PDZD8: variants seen among roughly 807,000 people sequenced by gnomAD.
PDZD8 encodes the protein PDZ domain-containing protein 8.
Under a neutral mutation model 85.8 loss-of-function variants are expected in PDZD8, and 14 were observed. The ratio of observed to expected loss-of-function variants is 0.16; its 90% CI spans 0.11 to 0.26. The LOEUF (loss-of-function observed/expected upper bound fraction) is 0.26, where lower values mean the gene tolerates loss of function less well. Among genes scored for constraint, PDZD8 ranks in the 10% least tolerant of loss-of-function variants. The pLI is 1.00. For synonymous variants in PDZD8, 592 were observed against 568.6 expected (o/e 1.04, Z -0.59); for missense variants, 1,197 against 1,424.3 (o/e 0.84, Z 2.57).
rs576959386 is a variant in PDZD8, at chr10:117,337,071, A to C, written c.995+3909T>G. ...GCCACTGCACTCCAGCCTGGGCCACAGAGTGAGACTCCATCTCAAAAAAAA... is the reference window on the plus strand; with the variant it reads ...GCCACTGCACTCCAGCCTGGGCCACCGAGTGAGACTCCATCTCAAAAAAAA... On this transcript the variant is annotated intron_variant, in intron 2 of 4. Coordinates refer to ENST00000334464, the MANE Select transcript of PDZD8 (RefSeq NM_173791.5). 3.3e-5 allele frequency among the ~76,000 whole-genome samples: 5 copies of C among 151,930 alleles called. No homozygotes were observed. The South Asian group carries it at 1.0e-3, about 32-fold the overall frequency.
intron 2 of PDZD8, among the ~76,000 whole-genome samples, chr10:117,337,629 T>C (rs1308936052): frequency 6.6e-6 from 1 of 152,124 alleles, no homozygotes; most frequent in Non-Finnish European, 1.5e-5. Context: ...CAAACAAATA[T>C]GCAAGAAAAA....
chr10:117,357,191 G>A (rs1314653577), intron 1 of PDZD8, among the ~76,000 whole-genome samples: 1 of 152,122 alleles, frequency 6.6e-6, no homozygotes, highest in Non-Finnish European at 1.5e-5. Flanking sequence ...CCAGGAGTTC[G>A]AGACCAGCCT....
At chr10:117,300,093 C>G (rs1411615777) in intron 3 of PDZD8, among the ~76,000 whole-genome samples, 1 of 152,042 alleles carries the variant, frequency 6.6e-6, no homozygotes, top group Admixed American at 6.6e-5. Context: ...CACCTTTACC[C>G]TCTCCTCCTC....
intron 3 of PDZD8, among the ~76,000 whole-genome samples, chr10:117,310,240 G>A (rs975101490): frequency 6.6e-6 from 1 of 152,096 alleles, no homozygotes; most frequent in Non-Finnish European, 1.5e-5. Context: ...TGGTTCAAAT[G>A]TCACCGCCTT....
At chr10:117,334,695 C>T (rs1589574048) in intron 2 of PDZD8, among the ~76,000 whole-genome samples, 1 of 151,734 alleles carries the variant, frequency 6.6e-6, no homozygotes, top group Non-Finnish European at 1.5e-5. Flanking sequence ...AGACACTATA[C>T]AAAACAGAAA....
At chr10:117,313,218 T>C (rs901034384) in intron 3 of PDZD8, among the ~76,000 whole-genome samples, 1 of 152,194 alleles carries the variant, frequency 6.6e-6, no homozygotes, top group Non-Finnish European at 1.5e-5. Flanking sequence ...TTCTGAGCCC[T>C]TGGAATGTAG....
intron 1 of PDZD8, among the ~76,000 whole-genome samples, chr10:117,363,881 C>A (rs1845039698): frequency 6.6e-6 from 1 of 152,072 alleles, no homozygotes; most frequent in South Asian, 2.1e-4. Context: ...GAAATGTGTT[C>A]TAAAGCATTG....
intron 2 of PDZD8, among the ~76,000 whole-genome samples, chr10:117,324,356 G>C (rs1369531182): frequency 6.6e-6 from 1 of 151,346 alleles, no homozygotes; most frequent in Non-Finnish European, 1.5e-5. Context: ...GAGATTCCTA[G>C]AAATCTAATA....
chr10:117,353,303 A>G (rs1844838620), intron 1 of PDZD8, among the ~76,000 whole-genome samples: 1 of 152,178 alleles, frequency 6.6e-6, no homozygotes, highest in Non-Finnish European at 1.5e-5. Context: ...GAGGGAGTGG[A>G]AATCAATAAT....
At chr10:117,315,587 C>CAAAAAAAAAA (rs35866840) in intron 3 of PDZD8, among the ~76,000 whole-genome samples, 4 of 42,102 alleles carry the variant, frequency 9.5e-5, no homozygotes, top group African/African-American at 3.2e-4. Context: ...TAGACTCTCT[C>CAAAAAAAAAA]AAAAAAAAAA....
chr10:117,285,576 G>A, intron 4 of PDZD8, 105 bp from the exon 5 acceptor site: 2 of 1,152,138 alleles, frequency 1.7e-6, no homozygotes, highest in Admixed American at 7.0e-5. Context: ...ATTACCTCTG[G>A]TTATTTAACT....
Position 117,283,246 on chromosome 10 carries a change from A to G in PDZD8, c.*22T>C, listed in dbSNP as rs763144424. The G allele has an allele frequency of 3.2e-6, 5 of 1,577,398 alleles. No homozygotes were observed. The South Asian group carries it at 5.9e-5, about 19-fold the overall frequency. On this transcript the variant is annotated 3_prime_UTR_variant, in exon 5 of 5. Transcript: ENST00000334464. ...GATGCAACTTTACCCTGTTCATTTG[A>G]AAGCTTAAATAGACCTGTCTGCTAC...
intron 1 of PDZD8, among the ~76,000 whole-genome samples, chr10:117,356,159 T>G (rs79836103): frequency 1.1e-4 from 16 of 152,140 alleles, no homozygotes; most frequent in Non-Finnish European, 2.2e-4. Flanking sequence ...TCAATCCTTT[T>G]TTTCTTCTGT....
In PDZD8 at chr10:117,284,720, G is replaced by A; in HGVS notation, c.2013C>T (p.Asp671=). ...CCCATGTTTGACGGTCGTCCGAACT[G>A]TCCTTAGTAGGGCAGGAAGTTTCTG... ...VTSETSCPTK[D]SSDDRQTWES... Residue 671 remains aspartate (D), a synonymous_variant, in exon 5 of 5, where the codon GAC becomes GAT. Transcript: ENST00000334464. The A allele has an allele frequency of 1.9e-6, 3 of 1,614,220 alleles. No individual in the cohort carries two copies. The highest frequency in any genetic ancestry group is 2.5e-6 in the Non-Finnish European group (3 of 1,180,030).
intron 1 of PDZD8, among the ~76,000 whole-genome samples, chr10:117,348,667 T>C (rs891473129): frequency 1.3e-5 from 2 of 152,268 alleles, no homozygotes. Flanking sequence ...AAACCAGTTT[T>C]ATCAGATTAC....
At chr10:117,297,645 A>G (rs948637432) in intron 3 of PDZD8, among the ~76,000 whole-genome samples, 2 of 152,194 alleles carry the variant, frequency 1.3e-5, no homozygotes, top group Admixed American at 6.5e-5. Context: ...GGATAAGCCT[A>G]TAAGTTGAAA....
At chr10:117,287,876 G>A (rs184124205) in intron 4 of PDZD8, among the ~76,000 whole-genome samples, 9 of 152,176 alleles carry the variant, frequency 5.9e-5, no homozygotes, top group East Asian at 1.9e-4. Context: ...GTTCTACTAC[G>A]TCCTTCTAAC....
Position 117,375,351 on chromosome 10 carries a change from G to C in PDZD8, c.-124C>G. 1 of 815,336 alleles carries C rather than the reference G, an allele frequency of 1.2e-6. No individual in the cohort carries two copies. The highest frequency in any genetic ancestry group is 1.7e-6 in the Non-Finnish European group (1 of 580,522). 50.5% of individuals were successfully genotyped at this position (815,336 alleles called of 1,614,324 possible). On this transcript the variant is annotated 5_prime_UTR_variant, in exon 1 of 5. Coordinates refer to ENST00000334464, the MANE Select transcript of PDZD8 (RefSeq NM_173791.5). ...GCTGGGTCGGGGCGAGCGGCTCCGT[G>C]GGCCTCGTCCAGGGGCTCGGGCCGG...
At chr10:117,294,813 T>C (rs181306445) in intron 3 of PDZD8, among the ~76,000 whole-genome samples, 5 of 152,152 alleles carry the variant, frequency 3.3e-5, no homozygotes, top group Admixed American at 3.3e-4. Context: ...AAAAACTTGA[T>C]CTCATAGAAA....
Sources: allele counts gnomAD v4.1 joint callset (sites outside exome capture counted in the v4.1 genomes callset), GRCh38; gene constraint gnomAD v4.1.1; transcripts MANE v1.5; gene names NCBI Gene and HGNC (gene_info 2026-07-23, HGNC 2026-07-21).